MTERF4: variants seen among roughly 807,000 people sequenced by gnomAD.
MTERF4 encodes the protein mitochondrial transcription termination factor 4, also known as transcription termination factor 4, mitochondrial.
A neutral mutation model predicts 22.5 loss-of-function variants in MTERF4; 17 were observed. The ratio of observed to expected loss-of-function variants is 0.75; its 90% CI spans 0.52 to 1.13. The LOEUF is 1.13. Ranked by LOEUF, MTERF4 falls within the 50% of genes most tolerant of loss-of-function variation. The pLI is 0.00. For synonymous variants in MTERF4, 165 were observed against 175.3 expected (o/e 0.94, Z 0.47); for missense variants, 420 against 466.8 (o/e 0.90, Z 0.92).
chr2:241,067,267 G>A (rs748293507), downstream of MTERF4, among the ~76,000 whole-genome samples: 1 of 152,240 alleles, frequency 6.6e-6, no homozygotes, highest in Non-Finnish European at 1.5e-5. Flanking sequence ...TGGAGCTTCG[G>A]AGGAGACTGG....
the MTERF4 span, chr2:241,064,859 T>C: frequency 6.3e-7 from 1 of 1,586,512 alleles, no homozygotes; most frequent in Admixed American, 1.9e-5. The surrounding 1 kb of genome is among the most constrained non-coding windows in gnomAD (Gnocchi z 7.0). Context: ...GACCCCTGCT[T>C]CTCCAGCCCC....
the MTERF4 span, chr2:241,051,558 G>A: frequency 2.2e-6 from 1 of 458,926 alleles, no homozygotes; most frequent in Non-Finnish European, 3.8e-6. This position sits in a 1 kb window ranked among gnomAD's most constrained non-coding sequence, Gnocchi z 4.7. Context: ...TCTCCAGCCT[G>A]TGAGCCCCAC....
chr2:241,078,260 G>T (rs2063135144), intron 4 of MTERF4, among the ~76,000 whole-genome samples: 1 of 151,570 alleles, frequency 6.6e-6, no homozygotes, highest in Non-Finnish European at 1.5e-5. Flanking sequence ...GCGGGCGCCT[G>T]TAGTCCCAGC....
At chr2:241,077,906 AAC>A (rs1446349161) in intron 4 of MTERF4, among the ~76,000 whole-genome samples, 1 of 152,160 alleles carries the variant, frequency 6.6e-6, no homozygotes, top group Non-Finnish European at 1.5e-5. Flanking sequence ...TGCTCTGGAA[AAC>A]AGTCTGGCAG....
chr2:241,091,627 T>C (rs2064012280), downstream of MTERF4: 1 of 152,250 alleles, frequency 6.6e-6, no homozygotes, highest in East Asian at 1.9e-4. This position sits in a 1 kb window ranked among gnomAD's most constrained non-coding sequence, Gnocchi z 4.1. Flanking sequence ...CACTTTGTTT[T>C]TTCTTCAAAG....
At chr2:241,071,719 A>G, downstream of MTERF4, 4 of 854,180 alleles carry the variant, frequency 4.7e-6, no homozygotes, top group Non-Finnish European at 6.5e-6. Context: ...CCAGCCCCCC[A>G]GGTACATGCC....
At position 241,096,052 on chromosome 2, in the gene MTERF4, G is replaced by C. The variant is rs116505969; in HGVS notation, c.1092C>G (p.Asp364Glu). Residue 364 changes from aspartate (D) to glutamate (E), a missense_variant, in exon 4 of 4, where the codon GAC becomes GAG. Coordinates refer to ENST00000391980, the MANE Select transcript of MTERF4 (RefSeq NM_182501.4). The surrounding 1 kb of genome is among the most constrained non-coding windows in gnomAD (Gnocchi z 5.1). ...DDNDEDDDDE[D>E]DDEAEDNDED... ...CATCATTGTCCTCCGCCTCGTCGTCGTCCTCATCATCGTCATCCTCATCAT... is the reference window on the plus strand; with the variant it reads ...CATCATTGTCCTCCGCCTCGTCGTCCTCCTCATCATCGTCATCCTCATCAT... 2 of 1,611,326 alleles carry C rather than the reference G, an allele frequency of 1.2e-6. No homozygotes were observed. The highest frequency in any genetic ancestry group is 1.4e-5 in the African/African-American group (1 of 73,446).
the MTERF4 span, chr2:241,048,954 T>C: frequency 7.7e-6 from 11 of 1,430,724 alleles, no homozygotes; most frequent in Non-Finnish European, 9.6e-6. Context: ...GCCCCATCCT[T>C]GACAAGGACT....
chr2:241,082,485 G>T, downstream of MTERF4: 1 of 676,626 alleles, frequency 1.5e-6, no homozygotes, highest in South Asian at 2.2e-5. Flanking sequence ...TCACAGAAGG[G>T]ACTTGCTTTG....
downstream of MTERF4, chr2:241,087,589 C>T: frequency 6.9e-7 from 1 of 1,454,274 alleles, no homozygotes; most frequent in Non-Finnish European, 9.1e-7. Flanking sequence ...AGGCGGTCTA[C>T]TCGCCCAGAT....
At chr2:241,063,016 C>G in the MTERF4 span, 1 of 658,782 alleles carries the variant, frequency 1.5e-6, no homozygotes, top group Non-Finnish European at 2.6e-6. Flanking sequence ...GTGGCCACTG[C>G]ATGCTTTCTC....
At chr2:241,090,083 T>A, downstream of MTERF4, 3 of 1,513,588 alleles carry the variant, frequency 2.0e-6, no homozygotes, top group Non-Finnish European at 2.7e-6. Context: ...TGTAACTTTT[T>A]TACTTTATAC....
the MTERF4 span, among the ~76,000 whole-genome samples, chr2:241,054,529 CTG>C: frequency 7.6e-4 from 115 of 152,252 alleles, no homozygotes; most frequent in East Asian, 0.02. Context: ...GAGCCTGCCA[CTG>C]TACTCCAGCC....
In MTERF4 at chr2:241,096,808, C is replaced by A; in HGVS notation, c.706-370G>T. 1 of 519,944 alleles carries A rather than the reference C, an allele frequency of 1.9e-6. No individual in the cohort carries two copies. The allele number at this position is 519,944 out of a possible 1,614,324, so 32.2% of individuals were successfully genotyped here. ...TCGACCTAAGTTGTCATAATTATTA[C>A]CAAAAAATCGGACAACTGTTAAAAT... On this transcript the variant is annotated intron_variant, in intron 3 of 3. Coordinates refer to ENST00000391980, the MANE Select transcript of MTERF4 (RefSeq NM_182501.4). The surrounding 1 kb of genome is among the most constrained non-coding windows in gnomAD (Gnocchi z 5.1).
exon 5 of MTERF4, chr2:241,072,893 G>C (rs2062805847): frequency 3.4e-6 from 1 of 290,446 alleles, no homozygotes; most frequent in East Asian, 6.6e-5. Flanking sequence ...GAAAGAGCAG[G>C]GGGTGCCACA....
Position 241,073,249 on chromosome 2 carries a change from C to G in MTERF4, n.2913G>C, listed in dbSNP as rs377339292. ...CAAAGCAGCTGCGCCGTGTGGTCAC[C>G]GCCTGGCTTCTCCTAGAACCCACAG... On this transcript the variant is annotated non_coding_transcript_exon_variant, in exon 5 of 5. Coordinates refer to the MTERF4 transcript ENST00000464344. The surrounding 1 kb of genome is among the most constrained non-coding windows in gnomAD (Gnocchi z 6.6). 6 of 1,546,722 alleles carry G rather than the reference C, an allele frequency of 3.9e-6. No individual in the cohort carries two copies. Among genetic ancestry groups the G allele is most frequent in the Non-Finnish European group, 5.2e-6 (6 of 1,143,108 alleles).
At chr2:241,052,259 C>A in the MTERF4 span, 2 of 1,438,936 alleles carry the variant, frequency 1.4e-6, no homozygotes, top group Admixed American at 1.8e-5. Context: ...CCTGGAGGCG[C>A]AGGAGGTGGA....
rs1447737849 is a variant in MTERF4, at chr2:241,096,070, C to A, written c.1074G>T (p.Glu358Asp). The change falls in exon 4 of 4, where the codon GAG becomes GAT. Residue 358 changes from glutamate to aspartate, a missense_variant. By Grantham distance (45) the Glu-to-Asp change is conservative (BLOSUM62 2). Coordinates refer to ENST00000391980, the MANE Select transcript of MTERF4 (RefSeq NM_182501.4). This position sits in a 1 kb window ranked among gnomAD's most constrained non-coding sequence, Gnocchi z 5.1. ...CGTCGTCGTCCTCATCATCGTCATC[C>A]TCATCATTGTCATCCTCATCATTGT... ...EEDNDEDDND[E>D]DDDDEDDDEA... 6.2e-7 allele frequency: 1 copy of A among 1,611,182 alleles called. No individual in the cohort carries two copies. The highest frequency in any genetic ancestry group is 1.7e-5 in the Admixed American group (1 of 59,960).
chr2:241,067,705 C>T, downstream of MTERF4: 1 of 1,478,480 alleles, frequency 6.8e-7, no homozygotes, highest in South Asian at 1.3e-5. Flanking sequence ...TCTTGAGCCC[C>T]TGCACTCCCC....
Sources: allele counts gnomAD v4.1 joint callset (sites outside exome capture counted in the v4.1 genomes callset), GRCh38; gene constraint gnomAD v4.1.1; non-coding constraint Gnocchi (gnomAD v3.1); transcripts MANE v1.5; gene names NCBI Gene and HGNC (gene_info 2026-07-23, HGNC 2026-07-21).